MYRFL: variants seen among roughly 807,000 people sequenced by gnomAD.
The protein encoded by MYRFL is myelin regulatory factor like.
In MYRFL, 88 loss-of-function variants were observed where a neutral mutation model predicts 109.4. The observed-to-expected ratio is 0.80, with a 90% confidence interval of 0.68 to 0.96. MYRFL has a LOEUF of 0.96. Among genes scored for constraint, MYRFL ranks in the 40% least tolerant of loss-of-function variants. The probability of loss-of-function intolerance (pLI) is 0.00; values close to 1 mark genes in which losing one functional copy is unlikely to be tolerated. For missense variants in MYRFL, 957 were observed against 954.9 expected (o/e 1.00, Z -0.03); for synonymous variants, 324 against 320.9 (o/e 1.01, Z -0.10).
intron 19 of MYRFL, among the ~76,000 whole-genome samples, chr12:69,945,986 C>CAGA (rs1955826488): frequency 2.4e-5 from 1 of 42,330 alleles, no homozygotes. Context: ...GACTCCGTCT[C>CAGA]AAAAAAAAAA....
chr12:69,850,762 T>A (rs1883831022), intron 1 of MYRFL, among the ~76,000 whole-genome samples: 1 of 152,178 alleles, frequency 6.6e-6, no homozygotes, highest in Non-Finnish European at 1.5e-5. Context: ...ATCCTATATT[T>A]ACATGAATTC....
chr12:69,947,573 A>C (rs1247680371), intron 19 of MYRFL, among the ~76,000 whole-genome samples: 1 of 152,218 alleles, frequency 6.6e-6, no homozygotes, highest in Non-Finnish European at 1.5e-5. Context: ...GTAAAGATTT[A>C]AGTAGACAGG....
intron 1 of MYRFL, among the ~76,000 whole-genome samples, chr12:69,838,139 G>A (rs1883054712): frequency 6.6e-6 from 1 of 152,138 alleles, no homozygotes; most frequent in Admixed American, 6.5e-5. Context: ...GCTGGGGAAG[G>A]ACAGGCACTC....
intron 1 of MYRFL, among the ~76,000 whole-genome samples, chr12:69,835,032 A>C (rs1045922883): frequency 1.9e-4 from 29 of 152,340 alleles, no homozygotes; most frequent in African/African-American, 7.0e-4. Flanking sequence ...CTAATTTTAT[A>C]GTAAATCTGT....
At chr12:69,860,087 C>T (rs184878503) in intron 2 of MYRFL, among the ~76,000 whole-genome samples, 1 of 152,240 alleles carries the variant, frequency 6.6e-6, no homozygotes, top group Non-Finnish European at 1.5e-5. Flanking sequence ...TCCTGATGCT[C>T]TCCATCTGCC....
intron 19 of MYRFL, among the ~76,000 whole-genome samples, chr12:69,942,349 G>C (rs1475872627): frequency 7.4e-6 from 1 of 135,652 alleles, no homozygotes; most frequent in Non-Finnish European, 1.6e-5. Context: ...GATCAAGTGG[G>C]CTTCATCCCT....
chr12:69,955,131 A>T (rs1311839100), intron 21 of MYRFL, among the ~76,000 whole-genome samples: 1 of 152,110 alleles, frequency 6.6e-6, no homozygotes, highest in African/African-American at 2.4e-5. Context: ...GTTCTAAAAA[A>T]CTATAACTTT....
intron 11 of MYRFL, chr12:69,904,178 T>C (rs1027470567): frequency 2.8e-5 from 6 of 216,154 alleles, no homozygotes; most frequent in Admixed American, 5.2e-5. Context: ...CCTTTTCCTT[T>C]CTGTCTCCCC....
At chr12:69,840,880 A>G (rs898515583) in intron 1 of MYRFL, among the ~76,000 whole-genome samples, 1 of 152,252 alleles carries the variant, frequency 6.6e-6, no homozygotes, top group Admixed American at 6.5e-5. Flanking sequence ...ATCCTGTTAC[A>G]CAATGTGCTT....
At position 69,880,190 on chromosome 12, in the gene MYRFL, C is replaced by T. The variant is rs1037227912; in HGVS notation, c.465-11C>T. 4.3e-6 allele frequency: 3 copies of T among 702,186 alleles called. No individual in the cohort carries two copies. The African/African-American group carries it at 5.2e-5, about 12-fold the overall frequency. 43.5% of individuals were successfully genotyped at this position (702,186 alleles called of 1,614,324 possible). On this transcript the variant is annotated splice_polypyrimidine_tract_variant and intron_variant, in intron 4 of 24. Coordinates refer to ENST00000552032, the MANE Select transcript of MYRFL (RefSeq NM_182530.3). Reference sequence around the variant, plus strand: ...AGAATCCTAACCTTCGTTTTGGTGTCTTGATTTTAGAGCCTCATTGCCTCC... The same window carrying T: ...AGAATCCTAACCTTCGTTTTGGTGTTTTGATTTTAGAGCCTCATTGCCTCC...
Position 69,860,992 on chromosome 12 carries a change from G to T in MYRFL, c.137+5622G>T, listed in dbSNP as rs1324990660. Among the ~76,000 whole-genome samples, 7 of 146,548 alleles carry T rather than the reference G, an allele frequency of 4.8e-5. 1 individual carries two copies. The Admixed American group carries it at 4.9e-4, about 10-fold the overall frequency. On this transcript the variant is annotated intron_variant, in intron 2 of 24. Coordinates refer to ENST00000552032, the MANE Select transcript of MYRFL (RefSeq NM_182530.3). ...AGTTCCCACCTATGAGCGAGAATAT[G>T]CAGTGTTTGGTTTTTTGTTCTTGCG...
intron 4 of MYRFL, 132 bp from the exon 5 acceptor site, chr12:69,880,069 T>G (rs976731861): frequency 3.4e-6 from 2 of 588,964 alleles, no homozygotes; most frequent in African/African-American, 3.7e-5. Flanking sequence ...TTCAGCCTAG[T>G]AGGGCTCAAG....
chr12:69,952,173 A>T lies in MYRFL; in HGVS notation c.2285A>T (p.Asp762Val). The T allele has an allele frequency of 6.5e-7, 1 of 1,536,070 alleles. No individual in the cohort carries two copies. ...CTCAGCGGCCCTGACTGGGAGAGTG[A>T]CTGTAAGTTGACATTTAAGTGACAC... ...NALSGPDWES[D>V]WIDTTISSIQ... is the part of the protein sequence containing the mutation. The change falls in exon 20 of 25, where the codon GAC (aspartate) becomes GTC (valine). Residue 762 changes from aspartate to valine, a missense_variant and splice_region_variant. Transcript: ENST00000552032.
At chr12:69,938,101 A>G (rs1383827057) in intron 19 of MYRFL, among the ~76,000 whole-genome samples, 1 of 152,240 alleles carries the variant, frequency 6.6e-6, no homozygotes, top group Non-Finnish European at 1.5e-5. Context: ...ATGCATCACT[A>G]TGGAGTAGAA....
At chr12:69,884,698 TC>T (rs1886338400) in intron 5 of MYRFL, among the ~76,000 whole-genome samples, 1 of 152,216 alleles carries the variant, frequency 6.6e-6, no homozygotes, top group African/African-American at 2.4e-5. Context: ...TCCCAAGGCT[TC>T]TTAGGAAATA....
rs145229989 is a variant in MYRFL, at chr12:69,858,445, T to C, written c.137+3075T>C. Reference sequence around the variant, plus strand: ...TGGATTTATTTCTTGCTTAAATGTTTGGTAGCATTAATCAGCAAAATAATC... The same window carrying C: ...TGGATTTATTTCTTGCTTAAATGTTCGGTAGCATTAATCAGCAAAATAATC... On this transcript the variant is annotated intron_variant, in intron 2 of 24. Transcript: ENST00000552032. 1.6e-4 allele frequency among the ~76,000 whole-genome samples: 24 copies of C among 152,142 alleles called. No homozygotes were observed. The East Asian group carries it at 3.7e-3, about 23-fold the overall frequency.
In MYRFL at chr12:69,883,857, C is replaced by T. The variant is rs148366032; in HGVS notation, c.557-2963C>T. Among the ~76,000 whole-genome samples the T allele has an allele frequency of 2.1e-3, 326 of 151,870 alleles. 1 individual carries two copies. Among genetic ancestry groups the T allele is most frequent in the African/African-American group, 6.2e-3 (255 of 41,384 alleles). The stretch of plus-strand genomic sequence containing the variant: ...TGCCATTGCACTCCAGCCTGTGTGA[C>T]GGAGCAAGACCCTGTCTAAAAAAGA... On this transcript the variant is annotated intron_variant, in intron 5 of 24. Transcript: ENST00000552032.
chr12:69,955,270 A>C (rs1362662330), intron 21 of MYRFL, 93 bp from the exon 22 acceptor site: 1 of 451,340 alleles, frequency 2.2e-6, no homozygotes, highest in African/African-American at 2.0e-5. Flanking sequence ...ATAATATTTC[A>C]CAGTTTTTAT....
intron 1 of MYRFL, among the ~76,000 whole-genome samples, chr12:69,846,788 G>T (rs1883579480): frequency 6.6e-6 from 1 of 151,682 alleles, no homozygotes; most frequent in Admixed American, 6.6e-5. Flanking sequence ...CTTCCACAAG[G>T]GTTGAACTAG....
Sources: allele counts gnomAD v4.1 joint callset (sites outside exome capture counted in the v4.1 genomes callset), GRCh38; gene constraint gnomAD v4.1.1; transcripts MANE v1.5; gene names NCBI Gene and HGNC (gene_info 2026-07-23, HGNC 2026-07-21).